Variants in MUC4 observed in about 807,000 individuals in gnomAD.
MUC4 encodes the protein mucin-4.
In MUC4, 202 loss-of-function variants were observed where a neutral mutation model predicts 257.9. The ratio of observed to expected loss-of-function variants is 0.78; its 90% CI spans 0.70 to 0.88. The LOEUF is 0.88. MUC4 is among the 40% of genes least tolerant of loss of function. MUC4 has a pLI of 0.00. For missense variants in MUC4, 5,976 were observed against 6,513.7 expected (o/e 0.92, Z 2.84); for synonymous variants, 2,351 against 2,757.1 (o/e 0.85, Z 4.62).
At chr3:195,760,330 G>A (rs975641483) in intron 16 of MUC4, among the ~76,000 whole-genome samples, 2 of 152,210 alleles carry the variant, frequency 1.3e-5, no homozygotes, top group African/African-American at 4.8e-5. Context: ...AAGGTGAGGG[G>A]CAAGCGTGTG....
chr3:195,771,549 A>C, intron 5 of MUC4, 103 bp downstream of exon 5: 1 of 1,326,910 alleles, frequency 7.5e-7, no homozygotes. Context: ...CCCCTGCTGC[A>C]GGGGCTGTCA....
rs750853336 is a variant in MUC4, at chr3:195,781,115, G to A, written c.10465C>T (p.Leu3489Phe). The change falls in exon 2 of 25, where the codon CTT (leucine) becomes TTT (phenylalanine). Residue 3489 changes from leucine to phenylalanine, a missense_variant. Coordinates refer to ENST00000463781, the MANE Select transcript of MUC4 (RefSeq NM_018406.7). Reference protein sequence around the residue: ...SSASTGHTTPLHVTIPSSAST... With the variant: ...SSASTGHTTPFHVTIPSSAST... Reference sequence around the variant, plus strand: ...GCTGAGGAAGGGATGGTGACATGAAGAGGGGTGGTGTGACCTGTAGATGCT... The same window carrying A: ...GCTGAGGAAGGGATGGTGACATGAAAAGGGGTGGTGTGACCTGTAGATGCT... 1.0e-5 allele frequency: 15 copies of A among 1,480,554 alleles called. 4 individuals are homozygous for A. The highest frequency in any genetic ancestry group is 2.5e-5 in the South Asian group (2 of 81,082). 91.7% of individuals were successfully genotyped at this position (1,480,554 alleles called of 1,614,324 possible).
intron 19 of MUC4, chr3:195,753,843 C>T (rs1171716563): frequency 1.2e-5 from 3 of 243,936 alleles, no homozygotes; most frequent in South Asian, 1.5e-4. Context: ...CCAGGGATCC[C>T]GAGGACCCAG....
chr3:195,754,398 C>A, intron 18 of MUC4, 26 bp from the exon 19 acceptor site: 1 of 1,586,386 alleles, frequency 6.3e-7, no homozygotes, highest in Non-Finnish European at 8.6e-7. Flanking sequence ...CGATCACGGG[C>A]GGCCAGGAGA....
At chr3:195,793,065 T>A (rs1578441082) in intron 1 of MUC4, among the ~76,000 whole-genome samples, 3 of 151,800 alleles carry the variant, frequency 2.0e-5, no homozygotes, top group South Asian at 4.2e-4. Flanking sequence ...TAAACCACCA[T>A]GGCACATATA....
At chr3:195,793,955 G>A (rs188617772) in intron 1 of MUC4, among the ~76,000 whole-genome samples, 39 of 151,960 alleles carry the variant, frequency 2.6e-4, no homozygotes, top group Admixed American at 8.5e-4. Flanking sequence ...TTATTTCCCA[G>A]GCAGAGGCCA....
At chr3:195,778,168 A>G in intron 3 of MUC4, 135 bp downstream of exon 3, 11 of 1,199,480 alleles carry the variant, frequency 9.2e-6, no homozygotes, top group Non-Finnish European at 1.2e-5. Context: ...CTCAGGAGCG[A>G]CTCCGATGCT....
chr3:195,747,839 G>A (rs1352801843), intron 24 of MUC4, among the ~76,000 whole-genome samples: 1 of 152,218 alleles, frequency 6.6e-6, no homozygotes, highest in Admixed American at 6.5e-5. Flanking sequence ...CCAGCCTGGG[G>A]GACAGAGCAA....
At chr3:195,761,651 G>A (rs1718937599) in intron 14 of MUC4, 66 bp from the exon 15 acceptor site, 7 of 1,285,954 alleles carry the variant, frequency 5.4e-6, no homozygotes, top group African/African-American at 2.9e-5. Flanking sequence ...GGGAGCATCC[G>A]GCGGACGCAG....
intron 10 of MUC4, 68 bp downstream of exon 10, chr3:195,764,929 G>A (rs867730084): frequency 1.8e-5 from 29 of 1,582,298 alleles, no homozygotes; most frequent in East Asian, 6.7e-5. Context: ...GAATGAGGAC[G>A]AGAGGCTTCA....
Position 195,769,052 on chromosome 3 carries a change from G to A in MUC4, c.13499C>T (p.Ser4500Leu). 1 of 1,613,934 alleles carries A rather than the reference G, an allele frequency of 6.2e-7. No homozygotes were observed. The highest frequency in any genetic ancestry group is 1.1e-5 in the South Asian group (1 of 91,064). The change falls in exon 7 of 25, where the codon TCA (serine) becomes TTA (leucine). Residue 4500 changes from serine (S) to leucine (L), a missense_variant. This residue lies in a region of MUC4 where 996 missense variants were observed against 1,137.3 expected (regional missense o/e 0.88). Coordinates refer to ENST00000463781, the MANE Select transcript of MUC4 (RefSeq NM_018406.7). The part of the protein sequence containing the change: ...GGMQWDVAQR[S>L]GNPVLMGFSS... ...GAAGCCCATGAGCACCGGGTTGCCT[G>A]AGCGCTGGGCCACGTCCCACTGCAT...
intron 1 of MUC4, among the ~76,000 whole-genome samples, chr3:195,808,994 A>C (rs1736353042): frequency 6.6e-6 from 1 of 151,296 alleles, no homozygotes; most frequent in Non-Finnish European, 1.5e-5. Flanking sequence ...CCAGCCTGTC[A>C]CCTCCCTGGG....
intron 2 of MUC4, 21 bp from the exon 3 acceptor site, chr3:195,778,476 G>T: frequency 6.2e-7 from 1 of 1,608,870 alleles, no homozygotes; most frequent in South Asian, 1.1e-5. Flanking sequence ...GAAAAGACAA[G>T]GCGGGGTGTT....
At chr3:195,793,911 ATAT>A (rs1734197138) in intron 1 of MUC4, among the ~76,000 whole-genome samples, 1 of 152,138 alleles carries the variant, frequency 6.6e-6, no homozygotes, top group African/African-American at 2.4e-5. Context: ...CAAGAAGCTA[ATAT>A]TATTGACCAT....
chr3:195,795,863 G>C (rs894070247), intron 1 of MUC4, among the ~76,000 whole-genome samples: 2 of 145,112 alleles, frequency 1.4e-5, no homozygotes, highest in African/African-American at 5.2e-5. Context: ...TGGGAGGAGG[G>C]AGAGAGAGAG....
intron 17 of MUC4, 135 bp downstream of exon 17, chr3:195,758,989 G>A: frequency 8.1e-7 from 1 of 1,231,164 alleles, no homozygotes; most frequent in Non-Finnish European, 1.1e-6. Context: ...CCTCGGAAAT[G>A]CCGGTCCTGG....
At position 195,774,234 on chromosome 3, in the gene MUC4, AGGT is replaced by A; in HGVS notation, c.13012_13014del (p.Thr4338del). On this transcript the variant is annotated inframe_deletion, in exon 4 of 25. Transcript: ENST00000463781. ...CCAGTCGCCGGCTTGAAGAGTGGGG[AGGT>A]GAAGTCCACGGTCCTCCTGACGAAC... 6.2e-7 allele frequency: 1 copy of A among 1,606,516 alleles called. No homozygotes were observed.
chr3:195,808,905 G>C (rs139118489), intron 1 of MUC4, among the ~76,000 whole-genome samples: 4,966 of 152,258 alleles, frequency 0.033, 124 homozygotes, highest in Middle Eastern at 0.061. Context: ...GGGGTTCTCC[G>C]AGGAGGGGCC....
chr3:195,762,318 G>T lies in MUC4; in HGVS notation c.14345-64C>A, dbSNP rs374269942. The T allele has an allele frequency of 1.1e-5, 16 of 1,470,258 alleles. No individual in the cohort carries two copies. In the East Asian group the frequency reaches 3.5e-4, roughly 32 times the overall value. 91.1% of individuals were successfully genotyped at this position (1,470,258 alleles called of 1,614,324 possible). On this transcript the variant is annotated intron_variant, in intron 13 of 24. Transcript: ENST00000463781. Reference sequence around the variant, plus strand: ...GCACCACGGCCCGCACCAAACCCGCGCCCTGCCGGGCCCGCACCACCCCCA... The same window carrying T: ...GCACCACGGCCCGCACCAAACCCGCTCCCTGCCGGGCCCGCACCACCCCCA...
Sources: allele counts gnomAD v4.1 joint callset (sites outside exome capture counted in the v4.1 genomes callset), GRCh38; gene constraint gnomAD v4.1.1; regional missense constraint gnomAD v4.1.1; transcripts MANE v1.5; gene names NCBI Gene and HGNC (gene_info 2026-07-23, HGNC 2026-07-21).